Variants in CNKSR3 observed in about 807,000 individuals in gnomAD.
CNKSR3 encodes CNKSR family member 3.
A neutral mutation model predicts 67.7 loss-of-function variants in CNKSR3; 36 were observed. The observed-to-expected ratio is 0.53, with a 90% CI of 0.41 to 0.70. The LOEUF is 0.70. Ranked by LOEUF, CNKSR3 falls within the 30% of genes least tolerant of loss-of-function variation. The pLI is 0.00. For missense variants in CNKSR3, 630 were observed against 695.2 expected, an observed-to-expected ratio of 0.91 and a Z score of 1.05; for synonymous variants, 281 against 271.4, an observed-to-expected ratio of 1.04 and a Z score of -0.35.
chr6:154,460,519 CA>C (rs1786057011), intron 1 of CNKSR3, among the ~76,000 whole-genome samples: 1 of 152,172 alleles, frequency 6.6e-6, no homozygotes, highest in South Asian at 2.1e-4. Context: ...CTCTGGTAAA[CA>C]TGTACTTTCC....
intron 1 of CNKSR3, among the ~76,000 whole-genome samples, chr6:154,502,983 C>A (rs548805078): frequency 7.2e-5 from 11 of 152,136 alleles, no homozygotes; most frequent in African/African-American, 1.9e-4. Context: ...ACGAAGGAGC[C>A]GGAGCAGGAG....
chr6:154,466,489 C>T (rs974727707), intron 1 of CNKSR3, among the ~76,000 whole-genome samples: 1 of 152,120 alleles, frequency 6.6e-6, no homozygotes, highest in African/African-American at 2.4e-5. Flanking sequence ...GAGTCCAGGA[C>T]CCAGCCTTGG....
chr6:154,433,596 A>G, intron 4 of CNKSR3, 89 bp from the exon 5 acceptor site: 1 of 979,818 alleles, frequency 1.0e-6, no homozygotes. Flanking sequence ...CATTTTCTGC[A>G]GCTCAAGACG....
At chr6:154,464,856 T>A (rs183492139) in intron 1 of CNKSR3, among the ~76,000 whole-genome samples, 43 of 152,022 alleles carry the variant, frequency 2.8e-4, no homozygotes, top group Non-Finnish European at 5.6e-4. Context: ...CAAAGTGGTC[T>A]GTGGGCCCAG....
rs549730571 is a variant in CNKSR3 at position 154,510,157 on chromosome 6, A to G, written c.-43T>C. 7.4e-5 allele frequency: 119 copies of G among 1,611,992 alleles called. 1 individual carries two copies. In the South Asian group the frequency reaches 1.2e-3, roughly 17 times the overall value. ...CTCGCTGGGCTGGAGAGTCGCAGAT[A>G]AAGTGCTGCTGCCTGCGCTCCGGTG... On this transcript the variant is annotated 5_prime_UTR_variant, in exon 1 of 13. Coordinates refer to ENST00000607772, the MANE Select transcript of CNKSR3 (RefSeq NM_173515.4).
At chr6:154,410,220 G>C in intron 12 of CNKSR3, 123 bp downstream of exon 12, 1 of 612,614 alleles carries the variant, frequency 1.6e-6, no homozygotes, top group South Asian at 2.3e-5. Flanking sequence ...GAGAAAACGG[G>C]ACTCAGAAAG....
intron 1 of CNKSR3, among the ~76,000 whole-genome samples, chr6:154,451,384 A>G (rs1479367887): frequency 6.6e-6 from 1 of 152,270 alleles, no homozygotes; most frequent in East Asian, 1.9e-4. Context: ...TAAAAGTTAT[A>G]TAAACTCAAT....
chr6:154,443,980 T>G (rs899644227), intron 2 of CNKSR3, among the ~76,000 whole-genome samples: 4 of 152,192 alleles, frequency 2.6e-5, no homozygotes, highest in African/African-American at 9.6e-5. Flanking sequence ...TGTCCTAGAC[T>G]CCTTTTCAGA....
intron 2 of CNKSR3, among the ~76,000 whole-genome samples, chr6:154,445,019 T>A (rs1417483865): frequency 6.6e-6 from 1 of 152,266 alleles, no homozygotes; most frequent in East Asian, 1.9e-4. Flanking sequence ...AAGAAACTTT[T>A]TTTTTTTTGC....
intron 11 of CNKSR3, among the ~76,000 whole-genome samples, chr6:154,410,701 T>C (rs149346544): frequency 1.3e-5 from 2 of 152,250 alleles, no homozygotes; most frequent in Admixed American, 6.5e-5. Context: ...AAGTTAAAAC[T>C]GTAACATGAT....
chr6:154,455,520 T>A (rs1418395459), intron 1 of CNKSR3, among the ~76,000 whole-genome samples: 1 of 151,942 alleles, frequency 6.6e-6, no homozygotes, highest in African/African-American at 2.4e-5. Context: ...TCTTTCACTC[T>A]TGTCAATTCT....
At chr6:154,483,929 G>A (rs538543021) in intron 1 of CNKSR3, among the ~76,000 whole-genome samples, 1 of 152,274 alleles carries the variant, frequency 6.6e-6, no homozygotes, top group South Asian at 2.1e-4. Context: ...CTGTACTACA[G>A]AACAGGAAAA....
intron 1 of CNKSR3, among the ~76,000 whole-genome samples, chr6:154,466,644 G>A (rs1054770291): frequency 1.3e-5 from 2 of 152,140 alleles, no homozygotes; most frequent in African/African-American, 2.4e-5. Context: ...TTTTGAGACA[G>A]GGTCTAGCTC....
At chr6:154,408,941 C>T (rs1448845187) in intron 12 of CNKSR3, among the ~76,000 whole-genome samples, 1 of 152,132 alleles carries the variant, frequency 6.6e-6, no homozygotes, top group Non-Finnish European at 1.5e-5. Context: ...CTTCATCTCT[C>T]CATGTATAAA....
chr6:154,505,552 C>T (rs1787082575), intron 1 of CNKSR3, among the ~76,000 whole-genome samples: 2 of 149,066 alleles, frequency 1.3e-5, no homozygotes, highest in Admixed American at 1.3e-4. Context: ...GGCTGGAGTG[C>T]AGTGGCACGA....
rs920501262 is a variant in CNKSR3 at position 154,398,874 on chromosome 6, G to A, written c.*7480C>T. On this transcript the variant is annotated 3_prime_UTR_variant, in exon 13 of 13. Transcript: ENST00000607772. ...AGGTGAGCGGATCACCTGAGGTCGGGAGTTCGAGACCAGCCTGACCAACAC... is the reference window on the plus strand; with the variant it reads ...AGGTGAGCGGATCACCTGAGGTCGGAAGTTCGAGACCAGCCTGACCAACAC... The A allele has an allele frequency of 1.3e-5, 2 of 152,244 alleles. No individual in the cohort carries two copies. Among genetic ancestry groups the A allele is most frequent in the Admixed American group, 6.5e-5 (1 of 15,280 alleles). The allele number at this position is 152,244 out of a possible 1,614,324, so 9.4% of individuals were successfully genotyped here.
At position 154,393,695 on chromosome 6, in the gene CNKSR3, C is replaced by A. The variant is rs1050969384; in HGVS notation, c.*12659G>T. On this transcript the variant is annotated 3_prime_UTR_variant, in exon 13 of 13. Coordinates refer to ENST00000607772, the MANE Select transcript of CNKSR3 (RefSeq NM_173515.4). ...TATTAGTCTTTTCTTTTGTACTCAG[C>A]CCTTTTACTGTCTTCTATAAGAAAT... 6 of 152,150 alleles carry A rather than the reference C, an allele frequency of 3.9e-5. No individual in the cohort carries two copies. Among genetic ancestry groups the A allele is most frequent in the Non-Finnish European group, 8.8e-5 (6 of 68,032 alleles). The allele number at this position is 152,150 out of a possible 1,614,324, so 9.4% of individuals were successfully genotyped here. A position where few individuals can be genotyped will look rare whatever the true frequency, so the allele number is the denominator to read the frequency against.
Position 154,399,959 on chromosome 6 carries a change from C to T in CNKSR3, c.*6395G>A, listed in dbSNP as rs960571230. 6.6e-6 allele frequency: 1 copy of T among 152,090 alleles called. No individual in the cohort carries two copies. The highest frequency in any genetic ancestry group is 2.4e-5 in the African/African-American group (1 of 41,404). The allele number at this position is 152,090 out of a possible 1,614,324, so 9.4% of individuals were successfully genotyped here. A position where few individuals can be genotyped will look rare whatever the true frequency, so the allele number is the denominator to read the frequency against. On this transcript the variant is annotated 3_prime_UTR_variant, in exon 13 of 13. Transcript: ENST00000607772. ...CATTTTTCTCCTGATATTTTCTCTC[C>T]TTTTAATCATTTCTTCACAAACATC... is the stretch of plus-strand genomic sequence containing the variant.
intron 1 of CNKSR3, among the ~76,000 whole-genome samples, chr6:154,462,615 C>T (rs758967317): frequency 2.0e-5 from 3 of 152,182 alleles, no homozygotes; most frequent in Non-Finnish European, 4.4e-5. Context: ...CACATTCTCC[C>T]CTAACCACTA....
Sources: gnomAD v4.1 joint callset for allele counts (sites outside exome capture counted in the v4.1 genomes callset) on GRCh38, gnomAD v4.1.1 for gene constraint, MANE v1.5 for transcripts, NCBI Gene and HGNC (gene_info 2026-07-23, HGNC 2026-07-21) for gene names.